The following LRRC4C variants were observed in gnomAD, a reference collection of about 807,000 sequenced individuals.
LRRC4C encodes the protein leucine rich repeat containing 4C, also known as leucine-rich repeat-containing protein 4C.
In LRRC4C, 5 loss-of-function variants were observed where a neutral mutation model predicts 33.6. The observed-to-expected ratio is 0.15, with a 90% CI of 0.08 to 0.31. The LOEUF (loss-of-function observed/expected upper bound fraction) is 0.31. Ranked by LOEUF, LRRC4C falls within the 10% of genes least tolerant of loss-of-function variation. The pLI, the probability that LRRC4C is intolerant of heterozygous loss-of-function variation, is 1.00. For synonymous variants in LRRC4C, 329 were observed against 302.0 expected, an observed-to-expected ratio of 1.09 and a Z score of -0.93; for missense variants, 560 against 796.7, an observed-to-expected ratio of 0.70 and a Z score of 3.58.
chr11:40,826,563 A>G (rs1432424654), intron 2 of LRRC4C, among the ~76,000 whole-genome samples: 1 of 151,906 alleles, frequency 6.6e-6, no homozygotes, highest in Non-Finnish European at 1.5e-5. Context: ...AACCACCTAA[A>G]AGTCATTAGA....
intron 1 of LRRC4C, among the ~76,000 whole-genome samples, chr11:41,350,230 GT>G (rs1951932302): frequency 6.6e-6 from 1 of 152,122 alleles, no homozygotes; most frequent in African/African-American, 2.4e-5. Context: ...AAATGTTTTC[GT>G]CAGGTGCAGT....
At chr11:40,154,995 A>G (rs1352016764) in intron 5 of LRRC4C, among the ~76,000 whole-genome samples, 1 of 152,204 alleles carries the variant, frequency 6.6e-6, no homozygotes, top group African/African-American at 2.4e-5. Context: ...TTGAAATTAT[A>G]TCAAGCACTC....
chr11:41,306,856 C>T (rs1950518898), intron 1 of LRRC4C, among the ~76,000 whole-genome samples: 1 of 152,060 alleles, frequency 6.6e-6, no homozygotes, highest in South Asian at 2.1e-4. Flanking sequence ...TTATCTAGTA[C>T]CCAATGGCTT....
At chr11:40,970,798 T>C (rs149657474) in intron 1 of LRRC4C, among the ~76,000 whole-genome samples, 170 of 152,214 alleles carry the variant, frequency 1.1e-3, no homozygotes, top group African/African-American at 3.8e-3. Context: ...ATGAGGAATA[T>C]ATTAGGAACT....
At chr11:40,372,253 T>A (rs1590492737) in intron 3 of LRRC4C, among the ~76,000 whole-genome samples, 1 of 152,268 alleles carries the variant, frequency 6.6e-6, no homozygotes, top group East Asian at 1.9e-4. Flanking sequence ...AAGGAAGAAC[T>A]CTCTGGACGG....
At chr11:40,485,326 A>T (rs1183252377) in intron 3 of LRRC4C, among the ~76,000 whole-genome samples, 2 of 151,980 alleles carry the variant, frequency 1.3e-5, no homozygotes, top group East Asian at 3.9e-4. Context: ...AATTAGTAAT[A>T]AAAGGAAAAT....
intron 2 of LRRC4C, among the ~76,000 whole-genome samples, chr11:40,792,006 T>C (rs1333271512): frequency 6.6e-6 from 1 of 151,992 alleles, no homozygotes; most frequent in Non-Finnish European, 1.5e-5. Context: ...AAAAAAAGTA[T>C]ATATTATTTT....
chr11:40,909,521 A>C (rs959068302), intron 2 of LRRC4C, among the ~76,000 whole-genome samples: 3 of 152,124 alleles, frequency 2.0e-5, no homozygotes, highest in Admixed American at 6.6e-5. Context: ...CAGTGTATAC[A>C]TTTAGGGTGG....
intron 2 of LRRC4C, among the ~76,000 whole-genome samples, chr11:40,807,243 GT>G (rs1951294251): frequency 6.6e-6 from 1 of 152,098 alleles, no homozygotes. Flanking sequence ...ATTTCAACAG[GT>G]TCAGAAGACA....
intron 2 of LRRC4C, among the ~76,000 whole-genome samples, chr11:40,879,035 C>T (rs957592108): frequency 3.9e-5 from 6 of 152,090 alleles, no homozygotes; most frequent in Non-Finnish European, 7.4e-5. Flanking sequence ...TCATGACGGA[C>T]ATCTTTAAAA....
At chr11:41,122,194 G>A (rs1411462522) in intron 1 of LRRC4C, among the ~76,000 whole-genome samples, 1 of 152,092 alleles carries the variant, frequency 6.6e-6, no homozygotes, top group Admixed American at 6.6e-5. Context: ...CTGAACTCTA[G>A]ACACATCTAG....
chr11:40,329,996 C>T (rs1451625774), intron 3 of LRRC4C, among the ~76,000 whole-genome samples: 1 of 152,090 alleles, frequency 6.6e-6, no homozygotes, highest in African/African-American at 2.4e-5. Flanking sequence ...CCACTTCGGC[C>T]TCCCAAAGTG....
intron 2 of LRRC4C, among the ~76,000 whole-genome samples, chr11:40,692,182 A>T (rs914599412): frequency 2.0e-5 from 3 of 151,996 alleles, no homozygotes; most frequent in African/African-American, 7.2e-5. Flanking sequence ...TCAGCATACA[A>T]TGTGTCAATT....
At position 40,115,583 on chromosome 11, in the gene LRRC4C, C is replaced by G; in HGVS notation, c.710G>C (p.Gly237Ala). The change falls in exon 7 of 7, where the codon GGC becomes GCC. Residue 237 changes from glycine to alanine, a missense_variant. Physicochemically the swap from Gly to Ala is moderately conservative, Grantham distance 60. Transcript: ENST00000528697. The surrounding 1 kb of genome is among the most constrained non-coding windows in gnomAD (Gnocchi z 6.7). ...AAGGTGCATCAAACCCTGGAAAGAG[C>G]CAGGCCTGATGGCAGATAAATGATT... is the stretch of plus-strand genomic sequence containing the variant. ...SGNHLSAIRP[G>A]SFQGLMHLQK... The G allele has an allele frequency of 6.2e-7, 1 of 1,614,148 alleles. No individual in the cohort carries two copies. Among genetic ancestry groups the G allele is most frequent in the Non-Finnish European group, 8.5e-7 (1 of 1,180,026 alleles).
chr11:40,527,464 G>A (rs1956099729), intron 3 of LRRC4C, among the ~76,000 whole-genome samples: 1 of 152,052 alleles, frequency 6.6e-6, no homozygotes, highest in South Asian at 2.1e-4. Context: ...GAAAAAAATG[G>A]GCAAAATAAG....
intron 3 of LRRC4C, among the ~76,000 whole-genome samples, chr11:40,609,594 G>GA (rs1223573714): frequency 6.6e-6 from 1 of 151,532 alleles, no homozygotes; most frequent in African/African-American, 2.4e-5. Flanking sequence ...AAAAACAATA[G>GA]AAAAAAACCA....
intron 3 of LRRC4C, among the ~76,000 whole-genome samples, chr11:40,385,891 TA>T (rs1555041341): frequency 3.6e-5 from 5 of 138,866 alleles, no homozygotes; most frequent in Admixed American, 7.1e-5. Flanking sequence ...AATAAATAAA[TA>T]AAATAAAATA....
intron 1 of LRRC4C, among the ~76,000 whole-genome samples, chr11:41,273,324 G>A (rs762591514): frequency 1.3e-5 from 2 of 152,070 alleles, no homozygotes; most frequent in Non-Finnish European, 2.9e-5. Context: ...ATTCACAATA[G>A]TCAACATATG....
At chr11:41,093,408 T>C (rs1751167924) in intron 1 of LRRC4C, among the ~76,000 whole-genome samples, 1 of 152,216 alleles carries the variant, frequency 6.6e-6, no homozygotes, top group African/African-American at 2.4e-5. Context: ...CTATCACATT[T>C]ATGGTGGCAG....
Sources: gnomAD v4.1 joint callset for allele counts (sites outside exome capture counted in the v4.1 genomes callset) on GRCh38, gnomAD v4.1.1 for gene constraint, Gnocchi (gnomAD v3.1) non-coding constraint, MANE v1.5 for transcripts, NCBI Gene and HGNC (gene_info 2026-07-23, HGNC 2026-07-21) for gene names.